The following DNAH3 variants were observed in gnomAD, a reference collection of about 807,000 sequenced individuals.
The protein encoded by DNAH3 is axonemal beta dynein heavy chain 3.
A neutral mutation model predicts 432.5 loss-of-function variants in DNAH3; 332 were observed. The ratio of observed to expected loss-of-function variants is 0.77; its 90% CI spans 0.70 to 0.84. The LOEUF is 0.84. DNAH3 is among the 40% of genes least tolerant of loss of function. The pLI is 0.00. For synonymous variants in DNAH3, 1,956 were observed against 1,900.2 expected, an observed-to-expected ratio of 1.03 and a Z score of -0.76; for missense variants, 4,861 against 5,114.0, an observed-to-expected ratio of 0.95 and a Z score of 1.51.
Position 21,145,410 on chromosome 16 carries a change from C to T in DNAH3, c.223-4G>A, listed in dbSNP as rs1270196222. On this transcript the variant is annotated splice_polypyrimidine_tract_variant and splice_region_variant and intron_variant, in intron 2 of 61. Transcript: ENST00000261383. ...AAAAGCTGTGTGACATGACAGTCTA[C>T]GAGGTAAGAAGTGCAGAGTGAGACA... is the stretch of plus-strand genomic sequence containing the variant. The T allele has an allele frequency of 1.7e-5, 27 of 1,612,638 alleles. No homozygotes were observed. In the East Asian group the frequency reaches 2.0e-4, roughly 12 times the overall value.
chr16:21,072,538 G>A (rs1048220019), intron 21 of DNAH3, among the ~76,000 whole-genome samples: 9 of 151,924 alleles, frequency 5.9e-5, no homozygotes, highest in African/African-American at 1.9e-4. Context: ...TGTTGGCAAG[G>A]TTAGTCTCAA....
intron 7 of DNAH3, among the ~76,000 whole-genome samples, chr16:21,132,622 T>C (rs1011897051): frequency 1.3e-5 from 2 of 152,204 alleles, no homozygotes; most frequent in Non-Finnish European, 2.9e-5. Context: ...ATATTGTTCA[T>C]TGAAAGACAC....
chr16:21,043,142 G>A (rs1018227779), intron 31 of DNAH3, among the ~76,000 whole-genome samples: 12 of 152,044 alleles, frequency 7.9e-5, no homozygotes, highest in African/African-American at 2.9e-4. Flanking sequence ...ACGTGTGCAT[G>A]TGTCTTTATA....
At chr16:20,954,740 G>A (rs891469381) in intron 55 of DNAH3, 73 bp downstream of exon 55, 17 of 1,519,526 alleles carry the variant, frequency 1.1e-5, no homozygotes, top group Admixed American at 8.0e-5. Context: ...GCTTAAACAC[G>A]CACCTGGAAA....
chr16:21,134,940 G>A (rs1280120413), intron 6 of DNAH3, among the ~76,000 whole-genome samples: 2 of 151,940 alleles, frequency 1.3e-5, no homozygotes, highest in Non-Finnish European at 2.9e-5. Flanking sequence ...CACCCGCCTC[G>A]GCCTCCCAAA....
At chr16:21,116,694 A>G (rs1182189318) in intron 12 of DNAH3, among the ~76,000 whole-genome samples, 1 of 152,196 alleles carries the variant, frequency 6.6e-6, no homozygotes, top group East Asian at 1.9e-4. Context: ...GTGGGTTCAG[A>G]TAACTGATTC....
rs377226924 is a variant in DNAH3 at position 21,136,491 on chromosome 16, T to C, written c.719A>G (p.Asn240Ser). The change falls in exon 6 of 62, where the codon AAT becomes AGT. Residue 240 changes from asparagine (N) to serine (S), a missense_variant. Asn to Ser is a conservative substitution (Grantham distance 46). Coordinates refer to ENST00000261383, the Ensembl canonical transcript of DNAH3. ...GGCAATCATGTCTTTGCGAATTCCA[T>C]TGGTCAGATAGTAATAGTATCTCTT... 23 of 1,614,050 alleles carry C rather than the reference T, an allele frequency of 1.4e-5. No individual in the cohort carries two copies. The highest frequency in any genetic ancestry group is 4.0e-5 in the African/African-American group (3 of 74,902).
rs144160907 is a variant in DNAH3 at position 21,086,176 on chromosome 16, C to T, written c.2877+673G>A. 3.3e-5 allele frequency among the ~76,000 whole-genome samples: 5 copies of T among 152,276 alleles called. 1 individual carries two copies. Among genetic ancestry groups the T allele is most frequent in the African/African-American group, 1.2e-4 (5 of 41,542 alleles). The stretch of plus-strand genomic sequence containing the variant: ...ACTCCTGGTAAAGGATGTTTCAAGG[C>T]CATTGCTAGCCCTTGGAAGTGACAA... On this transcript the variant is annotated intron_variant, in intron 19 of 61. Coordinates refer to ENST00000261383, the Ensembl canonical transcript of DNAH3.
exon 55 of DNAH3, chr16:20,954,824 A>T: frequency 1.2e-6 from 2 of 1,614,174 alleles, no homozygotes; most frequent in Non-Finnish European, 1.7e-6. Flanking sequence ...TAGGGGGCCG[A>T]AGTTTCTTCT....
At chr16:21,145,608 T>A (rs1016069835) in intron 2 of DNAH3, among the ~76,000 whole-genome samples, 2 of 152,214 alleles carry the variant, frequency 1.3e-5, no homozygotes, top group South Asian at 4.1e-4. Flanking sequence ...ATGTCAGGGA[T>A]AATAGCTTGC....
chr16:21,080,652 G>A (rs1274654798), intron 20 of DNAH3, among the ~76,000 whole-genome samples: 2 of 152,274 alleles, frequency 1.3e-5, no homozygotes, highest in Non-Finnish European at 2.9e-5. Flanking sequence ...TGATTATGTG[G>A]GTTGGGTGGG....
intron 19 of DNAH3, among the ~76,000 whole-genome samples, 190 bp downstream of exon 19, chr16:21,086,659 C>T (rs912384106): frequency 6.6e-6 from 1 of 152,188 alleles, no homozygotes; most frequent in East Asian, 1.9e-4. Context: ...GCCAACCTGT[C>T]CAGGGGGCAG....
chr16:20,943,983 CAAA>C (rs35780087), intron 58 of DNAH3, among the ~76,000 whole-genome samples: 3 of 133,888 alleles, frequency 2.2e-5, no homozygotes, highest in Admixed American at 7.6e-5. Context: ...AACCGTGTCT[CAAA>C]AAAAAAAAAG....
chr16:21,065,918 C>A (rs372914940), intron 24 of DNAH3, among the ~76,000 whole-genome samples: 1 of 152,058 alleles, frequency 6.6e-6, no homozygotes, highest in South Asian at 2.1e-4. Context: ...CCTCCACCTC[C>A]CAGGTTCAAG....
exon 35 of DNAH3, chr16:21,036,802 T>A: frequency 6.2e-7 from 1 of 1,612,764 alleles, no homozygotes; most frequent in African/African-American, 1.3e-5. Context: ...AACTTCATAG[T>A]CTGGCTTTGG....
chr16:21,060,996 C>G (rs1597275134), intron 25 of DNAH3, among the ~76,000 whole-genome samples: 4 of 151,922 alleles, frequency 2.6e-5, no homozygotes, highest in Admixed American at 2.6e-4. Flanking sequence ...TGCCACCATG[C>G]CCGGCTAACT....
exon 53 of DNAH3, chr16:20,965,353 T>C: frequency 6.4e-7 from 1 of 1,564,768 alleles, no homozygotes; most frequent in South Asian, 1.2e-5. Context: ...GTCATATGTC[T>C]TAAGACTCTC....
intron 7 of DNAH3, among the ~76,000 whole-genome samples, chr16:21,133,567 C>T (rs913602886): frequency 2.0e-5 from 3 of 151,816 alleles, no homozygotes; most frequent in Non-Finnish European, 4.4e-5. Flanking sequence ...ATGGAGAAAC[C>T]CCATCTTGAC....
At position 21,032,106 on chromosome 16, in the gene DNAH3, C is replaced by T. The variant is rs559540325; in HGVS notation, c.5198-820G>A. On this transcript the variant is annotated intron_variant, in intron 36 of 61. Transcript: ENST00000261383. ...GAACTCAAGCAGGAAGGGAGAGTGA[C>T]GCCTATTATCAGCCCTCTATGTACC... Among the ~76,000 whole-genome samples the T allele has an allele frequency of 8.7e-4, 132 of 151,830 alleles. 2 individuals are homozygous for T. The highest frequency in any genetic ancestry group is 3.4e-3 in the Middle Eastern group (1 of 292).
Sources: allele counts gnomAD v4.1 joint callset (sites outside exome capture counted in the v4.1 genomes callset), GRCh38; gene constraint gnomAD v4.1.1; transcripts MANE v1.5; gene names NCBI Gene and HGNC (gene_info 2026-07-23, HGNC 2026-07-21).